FOXP2: variants seen among roughly 807,000 people sequenced by gnomAD.
FOXP2 encodes the protein forkhead box protein P2.
Under a neutral mutation model 115.8 loss-of-function variants are expected in FOXP2, and 12 were observed. That is an observed-to-expected ratio of 0.10 (90% CI 0.07 to 0.17). The LOEUF is 0.17. Among genes scored for constraint, FOXP2 ranks in the 10% least tolerant of loss-of-function variants. The pLI is 1.00. For missense variants in FOXP2, 629 were observed against 843.5 expected, an observed-to-expected ratio of 0.75 and a Z score of 3.15; for synonymous variants, 328 against 297.7, an observed-to-expected ratio of 1.10 and a Z score of -1.05.
At chr7:114,361,056 G>A (rs1043902210) in intron 2 of FOXP2, among the ~76,000 whole-genome samples, 6 of 152,068 alleles carry the variant, frequency 3.9e-5, no homozygotes, top group Admixed American at 2.0e-4. Context: ...AGATAGAACT[G>A]CCCTACCTTT....
At chr7:114,223,874 G>T (rs1304474339) in intron 1 of FOXP2, among the ~76,000 whole-genome samples, 1 of 151,346 alleles carries the variant, frequency 6.6e-6, no homozygotes, top group Admixed American at 6.6e-5. Context: ...TTTTTTTATG[G>T]TTAGAATTTT....
intron 1 of FOXP2, among the ~76,000 whole-genome samples, chr7:114,254,790 A>C (rs1795560103): frequency 6.6e-6 from 1 of 152,068 alleles, no homozygotes; most frequent in Non-Finnish European, 1.5e-5. Flanking sequence ...TCTTCTCTCA[A>C]CTCGTCAAAG....
At chr7:114,442,095 C>A (rs1055231802) in intron 2 of FOXP2, among the ~76,000 whole-genome samples, 3 of 151,826 alleles carry the variant, frequency 2.0e-5, no homozygotes, top group African/African-American at 7.3e-5. Context: ...CTGGAAATAC[C>A]ACAAATGTAC....
intron 1 of FOXP2, among the ~76,000 whole-genome samples, chr7:114,175,348 C>G (rs890915732): frequency 2.1e-4 from 32 of 152,166 alleles, no homozygotes; most frequent in African/African-American, 7.7e-4. Context: ...CATCTATGAT[C>G]TGGTTTTGTG....
chr7:114,191,637 G>A (rs1793763971), intron 1 of FOXP2, among the ~76,000 whole-genome samples: 1 of 152,046 alleles, frequency 6.6e-6, no homozygotes, highest in Non-Finnish European at 1.5e-5. Context: ...GAAGTTTTAG[G>A]TTTACAGAAA....
chr7:114,265,236 A>G (rs141546861), intron 1 of FOXP2, among the ~76,000 whole-genome samples: 2,247 of 152,288 alleles, frequency 0.015, 27 homozygotes, highest in African/African-American at 0.025. Context: ...TACTTCCAAG[A>G]TACAATGGGG....
At chr7:114,403,625 A>C (rs1460685475) in intron 2 of FOXP2, among the ~76,000 whole-genome samples, 3 of 152,210 alleles carry the variant, frequency 2.0e-5, no homozygotes, top group Non-Finnish European at 4.4e-5. Flanking sequence ...CTAGTGATAC[A>C]AGGATACTAT....
intron 2 of FOXP2, among the ~76,000 whole-genome samples, chr7:114,532,125 C>G (rs1276314542): frequency 6.6e-6 from 1 of 151,746 alleles, no homozygotes; most frequent in Non-Finnish European, 1.5e-5. Context: ...TTGTCCAGCT[C>G]TAGAATTTTG....
rs1251285076 is a variant in FOXP2, at chr7:114,689,928, A to C, written c.*2A>C. ...CCTTTATCTGAAGATCTGGAATGAG[A>C]ACTGACTTGTGAAACCTCAGCGTGA... On this transcript the variant is annotated 3_prime_UTR_variant, in exon 17 of 17. Coordinates refer to ENST00000350908, the MANE Select transcript of FOXP2 (RefSeq NM_014491.4). The C allele has an allele frequency of 6.2e-7, 1 of 1,613,012 alleles. No individual in the cohort carries two copies. Among genetic ancestry groups the C allele is most frequent in the Non-Finnish European group, 8.5e-7 (1 of 1,179,310 alleles).
upstream of FOXP2, among the ~76,000 whole-genome samples, chr7:114,162,253 G>A (rs1307427141): frequency 6.6e-6 from 1 of 152,086 alleles, no homozygotes; most frequent in African/African-American, 2.4e-5. Flanking sequence ...TGTAAAGAAA[G>A]GTGGGATGTG....
At chr7:114,470,836 AG>A (rs920526770) in intron 2 of FOXP2, among the ~76,000 whole-genome samples, 20 of 151,554 alleles carry the variant, frequency 1.3e-4, no homozygotes, top group African/African-American at 3.9e-4. Context: ...CCCTCGGGGA[AG>A]GGGAAGGGGG....
rs1441781953 is a variant in FOXP2 at position 114,119,098 on chromosome 7, T to G, written c.-247+31260T>G. Among the ~76,000 whole-genome samples, 15 of 152,172 alleles carry G rather than the reference T, an allele frequency of 9.9e-5. 1 individual carries two copies. The highest frequency in any genetic ancestry group is 9.8e-4 in the Admixed American group (15 of 15,270). On this transcript the variant is annotated intron_variant, in intron 1 of 19. Coordinates refer to the FOXP2 transcript ENST00000635638. ...AAATATGCATAGGTTTTAACCTTCA[T>G]GAACAATTAATGACTACTTACTAAT...
chr7:114,127,473 G>A (rs370329965), intron 1 of FOXP2, among the ~76,000 whole-genome samples: 31 of 152,080 alleles, frequency 2.0e-4, no homozygotes, highest in East Asian at 5.8e-4. Context: ...ATTCTATTAC[G>A]ATAGATAAAA....
At chr7:114,520,370 G>A (rs1488085252) in intron 2 of FOXP2, among the ~76,000 whole-genome samples, 1 of 152,018 alleles carries the variant, frequency 6.6e-6, no homozygotes, top group African/African-American at 2.4e-5. Flanking sequence ...ATGTAGTTTA[G>A]TGATGTATGT....
intron 3 of FOXP2, among the ~76,000 whole-genome samples, chr7:114,565,577 T>C (rs1357784049): frequency 6.6e-6 from 1 of 152,160 alleles, no homozygotes; most frequent in African/African-American, 2.4e-5. Flanking sequence ...TTATTTTACA[T>C]GCTTAAGTTT....
chr7:114,583,766 A>C (rs1801984488), intron 3 of FOXP2, among the ~76,000 whole-genome samples: 1 of 152,206 alleles, frequency 6.6e-6, no homozygotes, highest in Non-Finnish European at 1.5e-5. Context: ...TATTTCTGTG[A>C]CTTCTGAGCA....
At position 114,192,633 on chromosome 7, in the gene FOXP2, G is replaced by A. The variant is rs577567595; in HGVS notation, c.-102+29545G>A. On this transcript the variant is annotated intron_variant, in intron 1 of 17. Coordinates refer to the FOXP2 transcript ENST00000634411. ...AATCTAGGTTGTTTCATACAGCAGTGTATATTGCAATCAGTTGTAACTTGT... is the reference window on the plus strand; with the variant it reads ...AATCTAGGTTGTTTCATACAGCAGTATATATTGCAATCAGTTGTAACTTGT... Among the ~76,000 whole-genome samples, 438 of 152,254 alleles carry A rather than the reference G, an allele frequency of 2.9e-3. 3 individuals carry two copies. Among genetic ancestry groups the A allele is most frequent in the South Asian group, 0.02 (97 of 4,822 alleles).
At chr7:114,445,555 G>A (rs938765223) in intron 2 of FOXP2, among the ~76,000 whole-genome samples, 5 of 152,132 alleles carry the variant, frequency 3.3e-5, no homozygotes, top group Non-Finnish European at 7.4e-5. Context: ...AGCTGAAACT[G>A]TGCTTCATAT....
rs1000985254 is a variant in FOXP2 at position 114,414,940 on chromosome 7, A to C, written c.-431A>C. On this transcript the variant is annotated 5_prime_UTR_variant, in exon 1 of 17. Coordinates refer to ENST00000350908, the MANE Select transcript of FOXP2 (RefSeq NM_014491.4). Reference sequence around the variant, plus strand: ...CACACATGCACACACACACATACACACACACAAAAATGAAGCACTTACTTT... The same window carrying C: ...CACACATGCACACACACACATACACCCACACAAAAATGAAGCACTTACTTT... 4.9e-6 allele frequency: 2 copies of C among 404,116 alleles called. No individual in the cohort carries two copies. The highest frequency in any genetic ancestry group is 5.2e-5 in the Admixed American group (2 of 38,608). 25.0% of individuals were successfully genotyped at this position (404,116 alleles called of 1,614,324 possible). A position where few individuals can be genotyped will look rare whatever the true frequency, so the allele number is the denominator to read the frequency against.
Sources: allele counts gnomAD v4.1 joint callset (sites outside exome capture counted in the v4.1 genomes callset), GRCh38; gene constraint gnomAD v4.1.1; transcripts MANE v1.5; gene names NCBI Gene and HGNC (gene_info 2026-07-23, HGNC 2026-07-21).